The following LAMA2 variants were observed in gnomAD, a reference collection of about 807,000 sequenced individuals.
The protein encoded by LAMA2 is laminin subunit alpha 2, also known as laminin subunit alpha-2.
Under a neutral mutation model 364.8 loss-of-function variants are expected in LAMA2, and 269 were observed. That is an observed-to-expected ratio of 0.74 (90% CI 0.67 to 0.82). The LOEUF is 0.82. Among genes scored for constraint, LAMA2 ranks in the 40% least tolerant of loss-of-function variants. LAMA2 has a pLI of 0.00. For missense variants in LAMA2, 3,807 were observed against 3,873.2 expected (o/e 0.98, Z 0.45); for synonymous variants, 1,379 against 1,370.6 (o/e 1.01, Z -0.14).
chr6:129,221,193 T>G (rs1200963243), intron 12 of LAMA2, among the ~76,000 whole-genome samples: 1 of 150,398 alleles, frequency 6.6e-6, no homozygotes, highest in East Asian at 1.9e-4. Flanking sequence ...AAAAAAAGCC[T>G]GAACCTAGAA....
At chr6:129,403,306 G>T (rs1380301281) in intron 39 of LAMA2, among the ~76,000 whole-genome samples, 1 of 152,184 alleles carries the variant, frequency 6.6e-6, no homozygotes, top group Admixed American at 6.5e-5. Flanking sequence ...TGAAGGGTGG[G>T]TGGCAGATGA....
intron 55 of LAMA2, among the ~76,000 whole-genome samples, chr6:129,483,241 C>T (rs1359750607): frequency 6.7e-6 from 1 of 149,818 alleles, no homozygotes; most frequent in East Asian, 2.0e-4. Context: ...AAAACTATAA[C>T]AAGTATTCCT....
intron 46 of LAMA2, 135 bp downstream of exon 46, chr6:129,453,266 A>C: frequency 1.3e-6 from 1 of 796,166 alleles, no homozygotes; most frequent in East Asian, 2.6e-5. Context: ...GAAAACCTCA[A>C]CGTCTTACCT....
chr6:129,045,235 A>G (rs1787394314), intron 1 of LAMA2, among the ~76,000 whole-genome samples: 1 of 152,228 alleles, frequency 6.6e-6, no homozygotes. Flanking sequence ...TAACTGTAAT[A>G]GAAACAAATC....
At chr6:129,052,926 A>C (rs1218777383) in intron 2 of LAMA2, among the ~76,000 whole-genome samples, 1 of 150,290 alleles carries the variant, frequency 6.7e-6, no homozygotes, top group African/African-American at 2.5e-5. Flanking sequence ...AGAAAACATT[A>C]CTATATTTCA....
At position 129,464,306 on chromosome 6, in the gene LAMA2, A is replaced by G; in HGVS notation, c.7009A>G (p.Ser2337Gly). ...GCTVSPQVEDSEGTIQFDGEG... is the reference protein window; with the variant it reads ...GCTVSPQVEDGEGTIQFDGEG... ...TCTTCTCAGTCCTCAGGTGGAAGAT[A>G]GTGAGGGGACTATTCAATTTGATGG... Residue 2337 changes from serine to glycine, a missense_variant, in exon 50 of 65, where the codon AGT (serine) becomes GGT (glycine). By Grantham distance (56) the Ser-to-Gly change is moderately conservative (BLOSUM62 0). Around this residue, in one of 3 missense-constraint regions of LAMA2, gnomAD observed 3,333 missense variants for 3,345.7 expected, o/e 1.00. Transcript: ENST00000421865. 1.2e-6 allele frequency: 2 copies of G among 1,611,964 alleles called. No homozygotes were observed. Among genetic ancestry groups the G allele is most frequent in the South Asian group, 2.2e-5 (2 of 91,058 alleles).
intron 58 of LAMA2, among the ~76,000 whole-genome samples, chr6:129,501,824 G>A (rs1002211751): frequency 6.6e-6 from 1 of 152,148 alleles, no homozygotes; most frequent in Admixed American, 6.5e-5. Context: ...GTAATTTAAG[G>A]AGCCTTGATT....
intron 14 of LAMA2, among the ~76,000 whole-genome samples, chr6:129,259,459 C>CT (rs1786961406): frequency 6.6e-6 from 1 of 152,044 alleles, no homozygotes; most frequent in South Asian, 2.1e-4. Context: ...TATAAAATGT[C>CT]TATCGGTAAT....
chr6:128,912,766 T>C (rs1419912618), intron 1 of LAMA2, among the ~76,000 whole-genome samples: 1 of 152,222 alleles, frequency 6.6e-6, no homozygotes, highest in Non-Finnish European at 1.5e-5. Flanking sequence ...GAAAGGGCTT[T>C]AAGAAAGTTA....
chr6:129,448,668 A>G (rs1277801097), intron 45 of LAMA2, among the ~76,000 whole-genome samples: 7 of 152,206 alleles, frequency 4.6e-5, no homozygotes, highest in Non-Finnish European at 8.8e-5. Flanking sequence ...TGAAAATCCA[A>G]TAGATATAAT....
In LAMA2 at chr6:129,291,208, G is replaced by A. The variant is rs185786989; in HGVS notation, c.2750-406G>A. Among the ~76,000 whole-genome samples the A allele has an allele frequency of 7.5e-4, 114 of 152,246 alleles. 2 individuals are homozygous for A. Among genetic ancestry groups the A allele is most frequent in the African/African-American group, 2.6e-3 (108 of 41,556 alleles). On this transcript the variant is annotated intron_variant, in intron 19 of 64. Coordinates refer to ENST00000421865, the MANE Select transcript of LAMA2 (RefSeq NM_000426.4). ...AGTGTTACCCTGATGTATCTGTAAA[G>A]AACTAAAACAGCGTTACACCTTGAG...
At chr6:129,516,022 A>T (rs933914633) in intron 64 of LAMA2, among the ~76,000 whole-genome samples, 168 bp from the exon 65 acceptor site, 5 of 151,770 alleles carry the variant, frequency 3.3e-5, no homozygotes, top group African/African-American at 1.2e-4. Flanking sequence ...TTTTAAGTTG[A>T]TCTTTCTTTC....
At chr6:129,365,892 GTTATA>G (rs1204320150) in intron 32 of LAMA2, among the ~76,000 whole-genome samples, 1 of 152,064 alleles carries the variant, frequency 6.6e-6, no homozygotes, top group African/African-American at 2.4e-5. Flanking sequence ...TACTTTTAAT[GTTATA>G]TTCTATGCCT....
intron 45 of LAMA2, among the ~76,000 whole-genome samples, chr6:129,450,168 T>TC (rs1475078226): frequency 6.6e-6 from 1 of 151,874 alleles, no homozygotes; most frequent in Non-Finnish European, 1.5e-5. Flanking sequence ...TTTTTTTTTT[T>TC]TTACCAGGCT....
chr6:128,885,324 C>T (rs907777551), intron 1 of LAMA2, among the ~76,000 whole-genome samples: 3 of 152,122 alleles, frequency 2.0e-5, no homozygotes, highest in Admixed American at 1.3e-4. Flanking sequence ...CTTATGTACA[C>T]GATCTTTATT....
intron 33 of LAMA2, among the ~76,000 whole-genome samples, chr6:129,369,257 T>A (rs756417904): frequency 1.3e-5 from 2 of 152,178 alleles, no homozygotes; most frequent in African/African-American, 2.4e-5. Context: ...CGCTTAGACA[T>A]TACAGGGTAG....
At chr6:128,996,578 A>G (rs530143114) in intron 1 of LAMA2, among the ~76,000 whole-genome samples, 41 of 152,258 alleles carry the variant, frequency 2.7e-4, no homozygotes, top group Non-Finnish European at 5.4e-4. Context: ...ACAATGAGAT[A>G]CCAACTCATG....
intron 12 of LAMA2, among the ~76,000 whole-genome samples, chr6:129,229,902 TAA>T (rs1285888911): frequency 1.3e-5 from 2 of 152,150 alleles, no homozygotes; most frequent in African/African-American, 4.8e-5. Context: ...GCTAATTATA[TAA>T]AGTTAGAGAT....
At chr6:129,174,932 A>G (rs1025119774) in intron 9 of LAMA2, among the ~76,000 whole-genome samples, 3 of 152,206 alleles carry the variant, frequency 2.0e-5, no homozygotes, top group African/African-American at 7.2e-5. Context: ...TCTAGTCTAC[A>G]ATACTTCCAG....
Sources: allele counts gnomAD v4.1 joint callset (sites outside exome capture counted in the v4.1 genomes callset), GRCh38; gene constraint gnomAD v4.1.1; regional missense constraint gnomAD v4.1.1; transcripts MANE v1.5; gene names NCBI Gene and HGNC (gene_info 2026-07-23, HGNC 2026-07-21).